Variants in ATRNL1 observed in about 807,000 individuals in gnomAD.
ATRNL1 encodes attractin-like protein 1.
A neutral mutation model predicts 182.7 loss-of-function variants in ATRNL1; 95 were observed. The observed-to-expected ratio is 0.52, with a 90% CI of 0.44 to 0.62. ATRNL1 has a LOEUF of 0.62. Ranked by LOEUF, ATRNL1 falls within the 20% of genes least tolerant of loss-of-function variation. The probability of loss-of-function intolerance (pLI) is 0.00; values close to 1 mark genes in which losing one functional copy is unlikely to be tolerated. For missense variants in ATRNL1, 1,471 were observed against 1,679.5 expected (o/e 0.88, Z 2.17); for synonymous variants, 576 against 568.3 (o/e 1.01, Z -0.19).
chr10:115,322,766 A>G (rs939518328), intron 18 of ATRNL1, among the ~76,000 whole-genome samples: 1 of 152,066 alleles, frequency 6.6e-6, no homozygotes, highest in Non-Finnish European at 1.5e-5. Flanking sequence ...TGCTTGATAG[A>G]GGATTCTTAG....
At chr10:115,408,496 GT>G (rs1554958967) in intron 20 of ATRNL1, among the ~76,000 whole-genome samples, 1 of 152,164 alleles carries the variant, frequency 6.6e-6, no homozygotes, top group African/African-American at 2.4e-5. Flanking sequence ...CAGATGAATA[GT>G]TTGCAACCCA....
At chr10:115,704,346 G>C (rs1036705632) in intron 26 of ATRNL1, among the ~76,000 whole-genome samples, 8 of 151,678 alleles carry the variant, frequency 5.3e-5, no homozygotes, top group Non-Finnish European at 1.0e-4. Context: ...TAAGGAAACT[G>C]GTCATCTTGA....
intron 26 of ATRNL1, among the ~76,000 whole-genome samples, chr10:115,701,437 G>GA (rs1459001189): frequency 6.6e-6 from 1 of 151,842 alleles, no homozygotes; most frequent in African/African-American, 2.4e-5. Flanking sequence ...AAGAAGAAAA[G>GA]AAATAACTGA....
intron 24 of ATRNL1, among the ~76,000 whole-genome samples, chr10:115,477,840 T>C (rs11197233): frequency 0.42 from 64,144 of 151,268 alleles, 14,331 homozygotes; most frequent in Middle Eastern, 0.5. Context: ...GCTTCAGTTA[T>C]TGTGATTCTT....
chr10:115,259,613 TG>T (rs1851311252), intron 10 of ATRNL1, among the ~76,000 whole-genome samples: 2 of 152,186 alleles, frequency 1.3e-5, no homozygotes, highest in South Asian at 4.1e-4. Flanking sequence ...TCGCCCTCTG[TG>T]GGCTGCATCC....
chr10:115,482,107 C>T (rs187309765), intron 24 of ATRNL1, among the ~76,000 whole-genome samples: 2 of 151,028 alleles, frequency 1.3e-5, no homozygotes, highest in East Asian at 3.9e-4. Context: ...ATTTCAGAAT[C>T]TCTCAATAGA....
At chr10:115,509,599 G>C (rs1277618452) in intron 24 of ATRNL1, among the ~76,000 whole-genome samples, 1 of 151,956 alleles carries the variant, frequency 6.6e-6, no homozygotes, top group South Asian at 2.1e-4. Context: ...GTTTACTGAG[G>C]CTTCCCCAGA....
chr10:115,645,959 A>T (rs1859583074), intron 26 of ATRNL1, among the ~76,000 whole-genome samples: 1 of 151,714 alleles, frequency 6.6e-6, no homozygotes, highest in Non-Finnish European at 1.5e-5. Context: ...CAACCTTTAG[A>T]TCCCATATTC....
At chr10:115,255,035 G>A (rs1363327005) in intron 10 of ATRNL1, among the ~76,000 whole-genome samples, 1 of 152,150 alleles carries the variant, frequency 6.6e-6, no homozygotes, top group Admixed American at 6.5e-5. Flanking sequence ...TTTGGTTACT[G>A]TAGCCTTGTA....
At chr10:115,895,809 G>A (rs1555112379) in intron 28 of ATRNL1, among the ~76,000 whole-genome samples, 1 of 152,206 alleles carries the variant, frequency 6.6e-6, no homozygotes, top group African/African-American at 2.4e-5. Context: ...AGGAATCAGG[G>A]AGGCCTTCCC....
chr10:115,347,660 C>T (rs1283273025), intron 19 of ATRNL1, among the ~76,000 whole-genome samples: 2 of 151,914 alleles, frequency 1.3e-5, no homozygotes, highest in Non-Finnish European at 1.5e-5. Context: ...AAAATCCAAC[C>T]TAATAAAGCC....
At chr10:115,917,977 A>C (rs868973739) in intron 28 of ATRNL1, among the ~76,000 whole-genome samples, 2 of 152,198 alleles carry the variant, frequency 1.3e-5, no homozygotes, top group African/African-American at 4.8e-5. Context: ...GAGGTCCCAG[A>C]AATAAGATTT....
At chr10:115,751,782 A>T (rs932862148) in intron 27 of ATRNL1, among the ~76,000 whole-genome samples, 3 of 152,082 alleles carry the variant, frequency 2.0e-5, no homozygotes, top group Non-Finnish European at 4.4e-5. Flanking sequence ...AAACAAATGT[A>T]TGTTACTATT....
At chr10:115,113,160 T>C (rs1343196640) in intron 1 of ATRNL1, among the ~76,000 whole-genome samples, 3 of 152,196 alleles carry the variant, frequency 2.0e-5, no homozygotes, top group Admixed American at 6.5e-5. Flanking sequence ...TTTGGGATGC[T>C]AAAGGCATTT....
At chr10:115,707,844 A>T (rs1426480474) in intron 26 of ATRNL1, among the ~76,000 whole-genome samples, 1 of 151,702 alleles carries the variant, frequency 6.6e-6, no homozygotes, top group Non-Finnish European at 1.5e-5. Flanking sequence ...TTAATATAGA[A>T]TCTTAGCGGT....
chr10:115,184,163 A>G (rs1171748034), intron 8 of ATRNL1, among the ~76,000 whole-genome samples: 1 of 151,454 alleles, frequency 6.6e-6, no homozygotes, highest in African/African-American at 2.4e-5. Context: ...AAATGATATT[A>G]TTTTCATTGG....
chr10:115,622,701 G>T (rs1857844871), intron 26 of ATRNL1, among the ~76,000 whole-genome samples: 1 of 152,200 alleles, frequency 6.6e-6, no homozygotes, highest in East Asian at 1.9e-4. Context: ...GCCGAGGCAG[G>T]TGGATCACGA....
chr10:115,881,880 CA>C (rs1446827537), intron 28 of ATRNL1, among the ~76,000 whole-genome samples: 2 of 152,152 alleles, frequency 1.3e-5, no homozygotes, highest in South Asian at 2.1e-4. Flanking sequence ...ATAGCTTTGC[CA>C]ACCCCACACT....
At chr10:115,365,603 TTGTGA>T (rs1193922518) in intron 19 of ATRNL1, among the ~76,000 whole-genome samples, 1 of 152,114 alleles carries the variant, frequency 6.6e-6, no homozygotes. Flanking sequence ...GTTCTTTTAA[TTGTGA>T]TGTTAGGGTG....
Sources: allele counts gnomAD v4.1 joint callset (sites outside exome capture counted in the v4.1 genomes callset), GRCh38; gene constraint gnomAD v4.1.1; transcripts MANE v1.5; gene names NCBI Gene and HGNC (gene_info 2026-07-23, HGNC 2026-07-21).